F9: variants seen among roughly 807,000 people sequenced by gnomAD.
The protein encoded by F9 is Christmas factor.
A neutral mutation model predicts 34.1 loss-of-function variants in F9; 2 were observed. That is an observed-to-expected ratio of 0.06 (90% confidence interval 0.02 to 0.18). The LOEUF is 0.18. Ranked by LOEUF, F9 falls within the 10% of genes least tolerant of loss-of-function variation. The pLI is 1.00. For missense variants in F9, 216 were observed against 345.1 expected (o/e 0.63, Z 2.96); for synonymous variants, 137 against 118.8 (o/e 1.15, Z -1.00).
chrX:139,549,563 G>C (rs1415110456), intron 5 of F9, among the ~76,000 whole-genome samples: 1 of 112,519 alleles, frequency 8.9e-6, no homozygotes, highest in African/African-American at 3.2e-5. Context: ...ATTCCTTATG[G>C]GAAATAAAGG....
At chrX:139,541,607 C>G (rs1229612005) in intron 4 of F9, among the ~76,000 whole-genome samples, 3 of 111,271 alleles carry the variant, frequency 2.7e-5, no homozygotes, top group African/African-American at 9.8e-5. Flanking sequence ...AAAACTGAAC[C>G]CAGAAAATTG....
chrX:139,556,119 G>C (rs972928431), intron 6 of F9, among the ~76,000 whole-genome samples: 1 of 110,473 alleles, frequency 9.1e-6, no homozygotes, highest in Non-Finnish European at 1.9e-5. Flanking sequence ...GCCTCAGTTC[G>C]GTGTGTGGCG....
chrX:139,554,446 C>G (rs1206798476), intron 6 of F9, among the ~76,000 whole-genome samples: 1 of 112,574 alleles, frequency 8.9e-6, no homozygotes, highest in African/African-American at 3.2e-5. Context: ...ATTGTTTCCT[C>G]CACACCACCT....
intron 7 of F9, among the ~76,000 whole-genome samples, chrX:139,561,124 A>G (rs1192159044): frequency 5.4e-5 from 6 of 111,637 alleles, no homozygotes; most frequent in Admixed American, 1.9e-4. Flanking sequence ...AATCAGTGTC[A>G]TGTCACCGAT....
Position 139,530,847 on chromosome X carries a change from G to A in F9, c.83G>A (p.Cys28Tyr). 8.4e-7 allele frequency: 1 copy of A among 1,196,571 alleles called. No homozygotes were observed. ...CLLGYLLSAECTVFLDHENAN... is the reference protein window; with the variant it reads ...CLLGYLLSAEYTVFLDHENAN... Reference sequence around the variant, plus strand: ...TTAGGATATCTACTCAGTGCTGAATGTACAGGTTTGTTTCCTTTTTTAAAA... The same window carrying A: ...TTAGGATATCTACTCAGTGCTGAATATACAGGTTTGTTTCCTTTTTTAAAA... The change falls in exon 1 of 8, where the codon TGT becomes TAT. Residue 28 changes from cysteine to tyrosine, a missense_variant. Around this residue, in one of 2 missense-constraint regions of F9, gnomAD observed 39 missense variants for 33.3 expected, o/e 1.17. Transcript: ENST00000218099.
chrX:139,553,820 A>G (rs1927903728), intron 6 of F9, among the ~76,000 whole-genome samples: 1 of 101,892 alleles, frequency 9.8e-6, no homozygotes. Context: ...CTCAAAAAAA[A>G]AAAAAAAAAA....
At chrX:139,543,867 G>T (rs1927657893) in intron 4 of F9, among the ~76,000 whole-genome samples, 1 of 111,711 alleles carries the variant, frequency 9.0e-6, no homozygotes, top group Non-Finnish European at 1.9e-5. Context: ...ATTGATAAAT[G>T]AGTCCCATTC....
chrX:139,541,949 A>G (rs1371070815), intron 4 of F9, among the ~76,000 whole-genome samples: 4 of 111,754 alleles, frequency 3.6e-5, no homozygotes, highest in Non-Finnish European at 7.5e-5. Context: ...TATTACTGGT[A>G]CTGTGATTGA....
chrX:139,530,901 TAGAA>T, intron 1 of F9, 49 bp downstream of exon 1: 1 of 983,851 alleles, frequency 1.0e-6, no homozygotes, highest in Non-Finnish European at 1.5e-6. Context: ...CTTTTAGATA[TAGAA>T]ATATCTGATG....
intron 1 of F9, among the ~76,000 whole-genome samples, chrX:139,536,220 T>TGTATAC (rs1176507377): frequency 1.9e-5 from 2 of 105,181 alleles, no homozygotes; most frequent in African/African-American, 7.1e-5. Flanking sequence ...CACACACATA[T>TGTATAC]ATATGTACAC....
At chrX:139,530,953 A>C in intron 1 of F9, 101 bp downstream of exon 1, 1 of 742,595 alleles carries the variant, frequency 1.3e-6, no homozygotes, top group Non-Finnish European at 2.1e-6. Flanking sequence ...ATGATTTGAC[A>C]GCAATATTGA....
chrX:139,536,263 G>GTATATATATGTACACACATATATGTA (rs1927471410), intron 1 of F9, among the ~76,000 whole-genome samples: 1 of 65,159 alleles, frequency 1.5e-5, no homozygotes, highest in African/African-American at 5.2e-5. Flanking sequence ...ACACATATAT[G>GTATATATATGTACACACATATATGTA]TATATATATA....
Position 139,537,238 on chromosome X carries a change from C to G in F9, c.252+65C>G. ...AGAATAGAAAATCTTTAAAAAGACA[C>G]TTCTCTTTAAAATTTTAAAGCATCC... is the stretch of plus-strand genomic sequence containing the variant. On this transcript the variant is annotated intron_variant, in intron 2 of 7. Coordinates refer to ENST00000218099, the MANE Select transcript of F9 (RefSeq NM_000133.4). 2.6e-6 allele frequency: 3 copies of G among 1,152,323 alleles called. No homozygotes were observed. In the South Asian group the frequency reaches 5.5e-5, roughly 21 times the overall value. 95.0% of individuals were successfully genotyped at this position (1,152,323 alleles called of 1,213,427 possible).
rs767547678 is a variant in F9, at chrX:139,552,512, A to G, written c.723+1248A>G. On this transcript the variant is annotated intron_variant, in intron 6 of 7. Transcript: ENST00000218099. ...CAGGCAGGAAGCCAGGATGGTCCTT[A>G]TATAAAGTTGTGCTGTCCAATAGGT... is the stretch of plus-strand genomic sequence containing the variant. Among the ~76,000 whole-genome samples the G allele has an allele frequency of 4.5e-5, 5 of 111,956 alleles. No individual in the cohort carries two copies. The Admixed American group carries it at 4.7e-4, about 11-fold the overall frequency.
chrX:139,531,805 T>C (rs1280203683), intron 1 of F9, among the ~76,000 whole-genome samples: 1 of 112,208 alleles, frequency 8.9e-6, no homozygotes, highest in East Asian at 2.8e-4. Context: ...ACTGGCCCTG[T>C]GGTTCCCACT....
At chrX:139,545,061 G>C (rs1398822509) in intron 4 of F9, 2 of 111,724 alleles carry the variant, frequency 1.8e-5, no homozygotes, top group East Asian at 5.6e-4. Flanking sequence ...CCCATAGGAG[G>C]CTGGTTGACA....
rs552798409 is a variant in F9 at position 139,554,454 on chromosome X, C to T, written c.723+3190C>T. On this transcript the variant is annotated intron_variant, in intron 6 of 7. Transcript: ENST00000218099. ...CTTCTGCATTGTTTCCTCCACACCA[C>T]CTCCATCCAGTTCCTTATGAATGGT... Among the ~76,000 whole-genome samples the T allele has an allele frequency of 8.9e-5, 10 of 112,734 alleles. No individual in the cohort carries two copies. In the East Asian group the frequency reaches 2.8e-3, roughly 31 times the overall value.
chrX:139,553,095 C>A (rs1332289128), intron 6 of F9, among the ~76,000 whole-genome samples: 1 of 111,803 alleles, frequency 8.9e-6, no homozygotes, highest in Non-Finnish European at 1.9e-5. Flanking sequence ...CAAGGTTTTC[C>A]CTTTCTTTTA....
Position 139,539,851 on chromosome X carries a change from GACT to G in F9, c.278-1221_278-1219del, listed in dbSNP as rs1927564369. The stretch of plus-strand genomic sequence containing the variant: ...TAAATAAGCAAATTTTCCAGGGAGG[GACT>G]ACTTATGATAAAGGGATATTAGTCT... On this transcript the variant is annotated intron_variant, in intron 3 of 7. Transcript: ENST00000218099. Among the ~76,000 whole-genome samples the G allele has an allele frequency of 2.7e-5, 3 of 111,212 alleles. No individual in the cohort carries two copies. In the South Asian group the frequency reaches 1.1e-3, roughly 42 times the overall value.
Sources: allele counts gnomAD v4.1 joint callset (sites outside exome capture counted in the v4.1 genomes callset), GRCh38; gene constraint gnomAD v4.1.1; regional missense constraint gnomAD v4.1.1; transcripts MANE v1.5; gene names NCBI Gene and HGNC (gene_info 2026-07-23, HGNC 2026-07-21).